The following SP110 variants were observed in gnomAD, a reference collection of about 807,000 sequenced individuals.
SP110 encodes the protein SP110 nuclear body protein, also known as interferon-induced protein 41, 30kD.
In SP110, 62 loss-of-function variants were observed where a neutral mutation model predicts 92.7. The ratio of observed to expected loss-of-function variants is 0.67; its 90% CI spans 0.55 to 0.83. The LOEUF is 0.83. Among genes scored for constraint, SP110 ranks in the 40% least tolerant of loss-of-function variants. The probability of loss-of-function intolerance (pLI) is 0.00; values close to 1 mark genes in which losing one functional copy is unlikely to be tolerated. For synonymous variants in SP110, 273 were observed against 305.3 expected (o/e 0.89, Z 1.10); for missense variants, 793 against 863.9 (o/e 0.92, Z 1.03).
chr2:230,170,586 A>G (rs201884927), intron 18 of SP110, 35 bp downstream of exon 18: 1 of 1,613,802 alleles, frequency 6.2e-7, no homozygotes, highest in East Asian at 2.2e-5. Flanking sequence ...GGAAAGTAGA[A>G]AAGACGCAAA....
intron 8 of SP110, among the ~76,000 whole-genome samples, chr2:230,206,595 TTATATATATATATATATATA>T (rs56817002): frequency 0.32 from 22,771 of 70,716 alleles, 3,756 homozygotes; most frequent in Middle Eastern, 0.49. Context: ...GGTCCAGATT[TTATATATATATATATATATA>T]TATATATATA....
rs553007755 is a variant in SP110 at position 230,175,042 on chromosome 2, AT to A, written c.1591-2084del. On this transcript the variant is annotated intron_variant, in intron 14 of 18. Coordinates refer to ENST00000258381, the MANE Select transcript of SP110 (RefSeq NM_080424.4). ...TTAATTAATGATCTGGATTTTAAAG[AT>A]TTTTTTTTTTCTGGTTGCAAAAGTA... Among the ~76,000 whole-genome samples the A allele has an allele frequency of 2.6e-3, 385 of 149,150 alleles. 3 individuals are homozygous for A. Among genetic ancestry groups the A allele is most frequent in the African/African-American group, 3.4e-3 (139 of 40,732 alleles).
chr2:230,177,549 C>T lies in SP110; in HGVS notation c.1579G>A (p.Glu527Lys), dbSNP rs200928586. Residue 527 changes from glutamate to lysine, a missense_variant, in exon 14 of 19, where the codon GAG becomes AAG. Transcript: ENST00000258381. ...NIRCEGMTLG[E>K]LLKRKNSDEC... ...CGTCATTATAATACCTTCAGCAGCT[C>T]TCCTAGGGTCATTCCTTCACAACGT... is the stretch of plus-strand genomic sequence containing the variant. The T allele has an allele frequency of 2.5e-6, 4 of 1,614,136 alleles. No individual in the cohort carries two copies. The highest frequency in any genetic ancestry group is 3.4e-6 in the Non-Finnish European group (4 of 1,179,944).
chr2:230,178,633 C>T (rs2041977461), intron 12 of SP110, among the ~76,000 whole-genome samples: 1 of 152,114 alleles, frequency 6.6e-6, no homozygotes, highest in Admixed American at 6.5e-5. Context: ...AAAAAAAAAT[C>T]TTCATTTATA....
Position 230,213,088 on chromosome 2 carries a change from G to A in SP110, c.317-61C>T, listed in dbSNP as rs1030321922. ...GAGACTCAGAATTACTTGGGGAAGG[G>A]GATTTCTTAATACATGCCTTCCAAT... On this transcript the variant is annotated intron_variant, in intron 3 of 18. Transcript: ENST00000258381. 1.9e-6 allele frequency: 3 copies of A among 1,557,832 alleles called. No individual in the cohort carries two copies. The African/African-American group carries it at 4.1e-5, about 21-fold the overall frequency.
Position 230,165,359 on chromosome 2 carries a change from A to G in SP110, c.*3765T>C, listed in dbSNP as rs2106329221. On this transcript the variant is annotated 3_prime_UTR_variant, in exon 19 of 19. Transcript: ENST00000258381. ...AAGGCAGAGCAAAAAGGAAGTATGG[A>G]GAAGTCGTGTCAAGAAAAGACCAGC... 6.6e-6 allele frequency among the ~76,000 whole-genome samples: 1 copy of G among 152,352 alleles called. No individual in the cohort carries two copies. The highest frequency in any genetic ancestry group is 3.4e-3 in the Middle Eastern group (1 of 294).
At chr2:230,172,026 G>T (rs1270548749) in intron 16 of SP110, 40 bp downstream of exon 16, 1 of 1,245,756 alleles carries the variant, frequency 8.0e-7, no homozygotes, top group East Asian at 2.3e-5. Context: ...TCTCGTGTGA[G>T]AAGGGAAAAG....
chr2:230,189,733 CCT>C (rs1485514449), intron 10 of SP110, among the ~76,000 whole-genome samples: 4 of 152,106 alleles, frequency 2.6e-5, no homozygotes, highest in African/African-American at 7.2e-5. Flanking sequence ...GTGTTGTTCC[CCT>C]CTCTGTGTCC....
rs762218275 is a variant in SP110, at chr2:230,200,887, T to G, written c.1127A>C (p.Gln376Pro). The change falls in exon 10 of 19, where the codon CAA (glutamine) becomes CCA (proline). Residue 376 changes from glutamine (Q) to proline (P), a missense_variant and splice_region_variant. Physicochemically the swap from Gln to Pro is moderately conservative, Grantham distance 76. Coordinates refer to ENST00000258381, the MANE Select transcript of SP110 (RefSeq NM_080424.4). ...KTPSTPRRVT[Q>P]GAASPGHGIQ... ...GACCAGCAATCTCCAAGTTTTACCTTGTGTGACCCTTCGTGGTGTACTAGG... is the reference window on the plus strand; with the variant it reads ...GACCAGCAATCTCCAAGTTTTACCTGGTGTGACCCTTCGTGGTGTACTAGG... 1.2e-6 allele frequency: 2 copies of G among 1,610,878 alleles called. No individual in the cohort carries two copies. Among genetic ancestry groups the G allele is most frequent in the African/African-American group, 2.7e-5 (2 of 74,992 alleles).
At chr2:230,181,247 G>T (rs893613704) in intron 12 of SP110, among the ~76,000 whole-genome samples, 5 of 152,204 alleles carry the variant, frequency 3.3e-5, no homozygotes, top group Admixed American at 1.3e-4. Flanking sequence ...TGAGGAAGGG[G>T]CACCTTTTTC....
At chr2:230,187,889 C>G (rs2042428902) in intron 10 of SP110, among the ~76,000 whole-genome samples, 1 of 152,168 alleles carries the variant, frequency 6.6e-6, no homozygotes, top group Non-Finnish European at 1.5e-5. Context: ...GTTTTGGTAA[C>G]TATAGCCTTG....
At chr2:230,182,498 A>G (rs1280038910) in intron 12 of SP110, among the ~76,000 whole-genome samples, 1 of 151,998 alleles carries the variant, frequency 6.6e-6, no homozygotes, top group Non-Finnish European at 1.5e-5. Context: ...GAGGGTGTAT[A>G]GCAAAGAAAG....
At chr2:230,207,682 C>A (rs2044020394) in intron 8 of SP110, among the ~76,000 whole-genome samples, 1 of 152,170 alleles carries the variant, frequency 6.6e-6, no homozygotes, top group Admixed American at 6.5e-5. Flanking sequence ...ATCCTGTCAA[C>A]AATACCTGCA....
intron 10 of SP110, among the ~76,000 whole-genome samples, chr2:230,196,534 T>C (rs1027224110): frequency 7.9e-5 from 12 of 151,628 alleles, no homozygotes; most frequent in Admixed American, 2.6e-4. Context: ...TTTATAATTT[T>C]CTTTTTTTTA....
At chr2:230,218,980 T>C (rs1436378702) in intron 1 of SP110, among the ~76,000 whole-genome samples, 2 of 152,158 alleles carry the variant, frequency 1.3e-5, no homozygotes, top group Non-Finnish European at 2.9e-5. Context: ...ATCCCAGCAC[T>C]TTGGGAGGTT....
At chr2:230,183,760 T>C (rs1574621166) in intron 11 of SP110, 120 bp from the exon 12 acceptor site, 2 of 732,924 alleles carry the variant, frequency 2.7e-6, no homozygotes, top group South Asian at 3.0e-5. Context: ...AAGTTACATA[T>C]GAGTCCTTAT....
At chr2:230,221,087 C>T (rs1422287961), upstream of SP110, among the ~76,000 whole-genome samples, 1 of 151,692 alleles carries the variant, frequency 6.6e-6, no homozygotes, top group Non-Finnish European at 1.5e-5. Context: ...TTGAGACCAT[C>T]CTGGCCAACA....
At chr2:230,181,228 G>A (rs1411639928) in intron 12 of SP110, among the ~76,000 whole-genome samples, 1 of 152,204 alleles carries the variant, frequency 6.6e-6, no homozygotes, top group Non-Finnish European at 1.5e-5. Context: ...GACAGATGAG[G>A]TAGTGAATTG....
Position 230,165,788 on chromosome 2 carries a change from G to A in SP110, c.*3336C>T, listed in dbSNP as rs182494287. On this transcript the variant is annotated 3_prime_UTR_variant, in exon 19 of 19. Transcript: ENST00000258381. ...AAATATTGGAACTAAAAGCCGTTACGATGCCTTCCAAAATAGAAGGCAGAA... is the reference window on the plus strand; with the variant it reads ...AAATATTGGAACTAAAAGCCGTTACAATGCCTTCCAAAATAGAAGGCAGAA... 2.0e-5 allele frequency among the ~76,000 whole-genome samples: 3 copies of A among 151,536 alleles called. No homozygotes were observed. Among genetic ancestry groups the A allele is most frequent in the Admixed American group, 6.6e-5 (1 of 15,206 alleles).
Sources: gnomAD v4.1 joint callset for allele counts (sites outside exome capture counted in the v4.1 genomes callset) on GRCh38, gnomAD v4.1.1 for gene constraint, MANE v1.5 for transcripts, NCBI Gene and HGNC (gene_info 2026-07-23, HGNC 2026-07-21) for gene names.